The following KPNA3 variants were observed in gnomAD, a reference collection of about 807,000 sequenced individuals.
KPNA3 encodes the protein importin subunit alpha-4.
Under a neutral mutation model 73.8 loss-of-function variants are expected in KPNA3, and 13 were observed. The ratio of observed to expected loss-of-function variants is 0.18; its 90% confidence interval spans 0.11 to 0.28. KPNA3 has a LOEUF of 0.28. Ranked by LOEUF, KPNA3 falls within the 10% of genes least tolerant of loss-of-function variation. KPNA3 has a pLI of 1.00. For synonymous variants in KPNA3, 186 were observed against 206.9 expected (o/e 0.90, Z 0.87); for missense variants, 360 against 618.1 (o/e 0.58, Z 4.43).
intron 10 of KPNA3, among the ~76,000 whole-genome samples, chr13:49,712,080 C>T (rs1954264953): frequency 6.6e-6 from 1 of 152,128 alleles, no homozygotes; most frequent in Admixed American, 6.6e-5. Flanking sequence ...AGGAGGCCTC[C>T]CTGCTGGAGG....
At chr13:49,763,332 T>C (rs1389313242) in intron 1 of KPNA3, among the ~76,000 whole-genome samples, 1 of 152,130 alleles carries the variant, frequency 6.6e-6, no homozygotes, top group Non-Finnish European at 1.5e-5. Context: ...CTGTGAACTT[T>C]AAGACAGGTC....
chr13:49,764,020 T>C (rs56255891), intron 1 of KPNA3, among the ~76,000 whole-genome samples: 9,269 of 148,784 alleles, frequency 0.062, 342 homozygotes, highest in South Asian at 0.11. Flanking sequence ...TGAGCTGTGA[T>C]TGTCCCACTG....
rs1301810025 is a variant in KPNA3 at position 49,706,370 on chromosome 13, T to C, written c.1035A>G (p.Glu345=). Residue 345 remains glutamate (E), a splice_region_variant and synonymous_variant, in exon 13 of 17, where the codon GAA becomes GAG. Coordinates refer to ENST00000261667, the MANE Select transcript of KPNA3 (RefSeq NM_002267.4). The part of the protein sequence containing the change: ...LSHPKEKINK[E]AVWFLSNITA... ...TTATGTTGGAAAGGAACCACACTGC[T>C]TCCTATAATTGAACAAAATATAGGG... The C allele has an allele frequency of 6.2e-7, 1 of 1,612,254 alleles. No individual in the cohort carries two copies. The highest frequency in any genetic ancestry group is 1.7e-5 in the Admixed American group (1 of 59,962).
intron 1 of KPNA3, among the ~76,000 whole-genome samples, chr13:49,758,745 TATAA>T (rs1203903400): frequency 3.7e-5 from 3 of 80,996 alleles, no homozygotes; most frequent in Non-Finnish European, 1.1e-4. Context: ...TATGTATACA[TATAA>T]ATATACACAC....
chr13:49,712,693 A>T (rs776935586), intron 10 of KPNA3, among the ~76,000 whole-genome samples: 4 of 152,174 alleles, frequency 2.6e-5, no homozygotes, highest in Non-Finnish European at 4.4e-5. Flanking sequence ...AAGAAGAGAA[A>T]ATAGAATAAG....
At chr13:49,738,777 T>C (rs972370177) in intron 2 of KPNA3, among the ~76,000 whole-genome samples, 1 of 152,244 alleles carries the variant, frequency 6.6e-6, no homozygotes, top group Non-Finnish European at 1.5e-5. Flanking sequence ...TATCTGCAAA[T>C]ACGGACAGTT....
chr13:49,760,994 C>T (rs1029952646), intron 1 of KPNA3, among the ~76,000 whole-genome samples: 6 of 152,030 alleles, frequency 3.9e-5, no homozygotes, highest in Non-Finnish European at 5.9e-5. Context: ...ATAATGGTAT[C>T]GTGTTTTTAA....
Position 49,730,852 on chromosome 13 carries a change from C to T in KPNA3, c.383+1519G>A, listed in dbSNP as rs866057671. On this transcript the variant is annotated intron_variant, in intron 6 of 16. Transcript: ENST00000261667. ...AGTGCAGTGGTGCGATCTCGGCTCA[C>T]CGCAACCTCCGCCTCCCAGGTTCAC... 2.9e-4 allele frequency among the ~76,000 whole-genome samples: 43 copies of T among 147,680 alleles called. No homozygotes were observed. In the Middle Eastern group the frequency reaches 0.011, roughly 37 times the overall value.
intron 1 of KPNA3, among the ~76,000 whole-genome samples, chr13:49,751,890 A>G (rs772129346): frequency 6.6e-6 from 1 of 152,222 alleles, no homozygotes; most frequent in Non-Finnish European, 1.5e-5. Context: ...CCTGGGTGAT[A>G]GAGACCCTGT....
At chr13:49,751,528 G>A (rs1289118776) in intron 1 of KPNA3, among the ~76,000 whole-genome samples, 2 of 152,136 alleles carry the variant, frequency 1.3e-5, no homozygotes, top group Non-Finnish European at 2.9e-5. Flanking sequence ...TGAATAAAAT[G>A]TGTCAATGAT....
intron 2 of KPNA3, among the ~76,000 whole-genome samples, chr13:49,738,605 T>C (rs1954545801): frequency 6.6e-6 from 1 of 152,238 alleles, no homozygotes; most frequent in Non-Finnish European, 1.5e-5. Context: ...TTTATTTTCT[T>C]TGAATTGTCT....
At chr13:49,734,608 T>C (rs1319287822) in intron 2 of KPNA3, among the ~76,000 whole-genome samples, 1 of 152,216 alleles carries the variant, frequency 6.6e-6, no homozygotes, top group East Asian at 1.9e-4. Context: ...TTCTGTGGTG[T>C]CTGAAAGATG....
At chr13:49,708,279 GCCA>G (rs1357096810) in intron 12 of KPNA3, among the ~76,000 whole-genome samples, 1 of 152,190 alleles carries the variant, frequency 6.6e-6, no homozygotes, top group African/African-American at 2.4e-5. Flanking sequence ...ACAGGCATGA[GCCA>G]CCATGCCTGG....
rs1222316990 is a variant in KPNA3, at chr13:49,732,638, G to A, written c.254C>T (p.Pro85Leu). Residue 85 changes from proline to leucine, a missense_variant, in exon 5 of 17, where the codon CCA becomes CTA. Physicochemically the swap from Pro to Leu is moderately conservative, Grantham distance 98. Coordinates refer to ENST00000261667, the MANE Select transcript of KPNA3 (RefSeq NM_002267.4). ...CTGGACAGCACTCAATTGGACCACTGGGTTATCACTTGTGGCATTCTGCAA... is the reference window on the plus strand; with the variant it reads ...CTGGACAGCACTCAATTGGACCACTAGGTTATCACTTGTGGCATTCTGCAA... ...AILQNATSDN[P>L]VVQLSAVQAA... is the part of the protein sequence containing the mutation. 1.2e-6 allele frequency: 2 copies of A among 1,611,214 alleles called. No homozygotes were observed. The highest frequency in any genetic ancestry group is 2.2e-5 in the East Asian group (1 of 44,786).
chr13:49,719,095 C>T (rs1191840980), intron 10 of KPNA3, among the ~76,000 whole-genome samples: 1 of 152,064 alleles, frequency 6.6e-6, no homozygotes, highest in Non-Finnish European at 1.5e-5. Flanking sequence ...TAACAATTTA[C>T]CTTACTGCAT....
chr13:49,702,333 A>G, intron 16 of KPNA3, 53 bp downstream of exon 16: 2 of 926,014 alleles, frequency 2.2e-6, no homozygotes, highest in Middle Eastern at 2.3e-4. Context: ...AATTTACATC[A>G]TGTATAGGTT....
intron 6 of KPNA3, among the ~76,000 whole-genome samples, chr13:49,726,089 C>G (rs1954406940): frequency 6.6e-6 from 1 of 152,172 alleles, no homozygotes; most frequent in African/African-American, 2.4e-5. Flanking sequence ...ATCAATATAT[C>G]ATGTCGATTT....
chr13:49,752,494 C>T (rs1177209280), intron 1 of KPNA3, among the ~76,000 whole-genome samples: 3 of 152,006 alleles, frequency 2.0e-5, no homozygotes, highest in Non-Finnish European at 4.4e-5. Flanking sequence ...AAGACATATA[C>T]ACAAAAGTGA....
rs1045835743 is a variant in KPNA3, at chr13:49,701,419, CAA to C, written c.*379_*380del. On this transcript the variant is annotated 3_prime_UTR_variant, in exon 17 of 17. Coordinates refer to ENST00000261667, the MANE Select transcript of KPNA3 (RefSeq NM_002267.4). ...CTTCCAACTTGTATATGCATCATAC[CAA>C]AGTGTCTTGATCCACAGCGCACCAT... is the stretch of plus-strand genomic sequence containing the variant. 6.5e-6 allele frequency: 3 copies of C among 462,860 alleles called. No homozygotes were observed. In the Admixed American group the frequency reaches 7.2e-5, roughly 11 times the overall value. 28.7% of individuals were successfully genotyped at this position (462,860 alleles called of 1,614,324 possible).
Sources: gnomAD v4.1 joint callset for allele counts (sites outside exome capture counted in the v4.1 genomes callset) on GRCh38, gnomAD v4.1.1 for gene constraint, MANE v1.5 for transcripts, NCBI Gene and HGNC (gene_info 2026-07-23, HGNC 2026-07-21) for gene names.